The following YTHDC2 variants were observed in gnomAD, a reference collection of about 807,000 sequenced individuals.
YTHDC2 encodes the protein YTH N6-methyladenosine RNA binding protein C2, also known as 3'-5' RNA helicase YTHDC2.
Under a neutral mutation model 174.9 loss-of-function variants are expected in YTHDC2, and 45 were observed. The observed-to-expected ratio is 0.26, with a 90% CI of 0.20 to 0.33. The LOEUF is 0.33. YTHDC2 is among the 10% of genes least tolerant of loss of function. The pLI is 1.00. For synonymous variants in YTHDC2, 657 were observed against 574.5 expected (o/e 1.14, Z -2.05); for missense variants, 1,650 against 1,723.7 (o/e 0.96, Z 0.76).
At chr5:113,535,181 G>T (rs957857830) in intron 6 of YTHDC2, among the ~76,000 whole-genome samples, 1 of 152,132 alleles carries the variant, frequency 6.6e-6, no homozygotes, top group African/African-American at 2.4e-5. Flanking sequence ...AACATTTAAA[G>T]AAATATTGTG....
intron 23 of YTHDC2, among the ~76,000 whole-genome samples, chr5:113,577,542 A>G (rs1397683143): frequency 6.6e-6 from 1 of 151,762 alleles, no homozygotes; most frequent in Non-Finnish European, 1.5e-5. Context: ...GCTAATGTTC[A>G]TATTTTTTGT....
intron 2 of YTHDC2, among the ~76,000 whole-genome samples, chr5:113,519,424 G>A (rs1180708649): frequency 6.6e-6 from 1 of 152,044 alleles, no homozygotes; most frequent in East Asian, 1.9e-4. Flanking sequence ...TGTTTATAAT[G>A]AAAACAAAAT....
At chr5:113,531,481 A>G (rs781369447) in intron 4 of YTHDC2, among the ~76,000 whole-genome samples, 1 of 152,124 alleles carries the variant, frequency 6.6e-6, no homozygotes, top group Non-Finnish European at 1.5e-5. Context: ...CCTAAGACCA[A>G]TTAAAGGTTG....
At chr5:113,590,910 A>G (rs1778969536) in intron 26 of YTHDC2, 131 bp from the exon 27 acceptor site, 1 of 736,658 alleles carries the variant, frequency 1.4e-6, no homozygotes, top group East Asian at 2.7e-5. Flanking sequence ...CAGACATGAT[A>G]GAGCTATTTG....
chr5:113,514,154 C>T, intron 1 of YTHDC2, 72 bp downstream of exon 1: 1 of 1,531,742 alleles, frequency 6.5e-7, no homozygotes, highest in Non-Finnish European at 8.8e-7. Context: ...CAAACGGCGG[C>T]CCACCGAGTG....
Position 113,595,264 on chromosome 5 carries a change from A to G in YTHDC2, c.*1790A>G, listed in dbSNP as rs994277016. The G allele has an allele frequency of 1.3e-5, 2 of 152,104 alleles. No individual in the cohort carries two copies. The highest frequency in any genetic ancestry group is 2.9e-5 in the Non-Finnish European group (2 of 67,982). 9.4% of individuals were successfully genotyped at this position (152,104 alleles called of 1,614,324 possible). On this transcript the variant is annotated 3_prime_UTR_variant, in exon 30 of 30. Transcript: ENST00000161863. ...GAAGCGATAAACTTTAAATATACTT[A>G]TTAAAATGAAATTCTATTAAGTTTT...
chr5:113,549,796 A>G (rs754026812), intron 12 of YTHDC2, among the ~76,000 whole-genome samples: 2 of 151,954 alleles, frequency 1.3e-5, no homozygotes, highest in Non-Finnish European at 2.9e-5. Context: ...TCACTGTTCT[A>G]TTGATTTATT....
intron 2 of YTHDC2, among the ~76,000 whole-genome samples, chr5:113,522,070 A>G (rs976835928): frequency 2.0e-5 from 3 of 151,786 alleles, no homozygotes; most frequent in African/African-American, 7.2e-5. Flanking sequence ...CCTAATGGAA[A>G]TATAAATTAA....
intron 14 of YTHDC2, 34 bp from the exon 15 acceptor site, chr5:113,553,733 C>T: frequency 6.2e-7 from 1 of 1,612,428 alleles, no homozygotes; most frequent in Non-Finnish European, 8.5e-7. Flanking sequence ...ACGGACAGGT[C>T]TTATAGTATG....
Position 113,563,423 on chromosome 5 carries a change from T to C in YTHDC2, c.2373T>C (p.Ala791=), listed in dbSNP as rs1294846967. The change falls in exon 19 of 30, where the codon GCT becomes GCC. Residue 791 remains alanine (A), a synonymous_variant. Transcript: ENST00000161863. ...KLLAPVNCPI[A]DFLMKAPEPP... is the part of the protein sequence containing the mutation. ...TAGCCCCAGTTAATTGTCCCATTGC[T>C]GATTTTCTTATGAAAGCTCCTGAAC... 4 of 1,611,762 alleles carry C rather than the reference T, an allele frequency of 2.5e-6. No homozygotes were observed. The East Asian group carries it at 6.7e-5, about 27-fold the overall frequency.
Position 113,542,455 on chromosome 5 carries a change from G to C in YTHDC2, c.1447G>C (p.Asp483His), listed in dbSNP as rs758582529. 6.2e-7 allele frequency: 1 copy of C among 1,612,432 alleles called. No homozygotes were observed. Among genetic ancestry groups the C allele is most frequent in the Non-Finnish European group, 8.5e-7 (1 of 1,179,510 alleles). ...TGATATATGGCTACATAAAGATATT[G>C]ATGCCTTTGCTCAGGTCTTTCATCT... ...LSDIWLHKDI[D>H]AFAQVFHLIL... is the part of the protein sequence containing the mutation. The change falls in exon 10 of 30, where the codon GAT becomes CAT. Residue 483 changes from aspartate to histidine, a missense_variant. By Grantham distance (81) the Asp-to-His change is moderately conservative (BLOSUM62 -1). Around this residue, in one of 5 missense-constraint regions of YTHDC2, gnomAD observed 411 missense variants for 380.6 expected, o/e 1.08. Transcript: ENST00000161863.
At position 113,563,867 on chromosome 5, in the gene YTHDC2, T is replaced by A. The variant is rs768843221; in HGVS notation, c.2451T>A (p.Asp817Glu). The A allele has an allele frequency of 6.2e-7, 1 of 1,614,180 alleles. No homozygotes were observed. Among genetic ancestry groups the A allele is most frequent in the Non-Finnish European group, 8.5e-7 (1 of 1,180,026 alleles). The change falls in exon 20 of 30, where the codon GAT (aspartate) becomes GAA (glutamate). Residue 817 changes from aspartate to glutamate, a missense_variant. Physicochemically the swap from Asp to Glu is conservative, Grantham distance 45. Coordinates refer to ENST00000161863, the MANE Select transcript of YTHDC2 (RefSeq NM_022828.5). ...RNAVQMLKTI[D>E]AMDTWEDLTE... The stretch of plus-strand genomic sequence containing the variant: ...TGTCTCCTTTTACTTAGACAATAGA[T>A]GCAATGGATACATGGGAAGATCTGA...
intron 14 of YTHDC2, 36 bp downstream of exon 14, chr5:113,553,722 A>G (rs1296564436): frequency 1.2e-6 from 2 of 1,612,998 alleles, no homozygotes; most frequent in Admixed American, 1.7e-5. Flanking sequence ...TGCTTAAAAT[A>G]ACGGACAGGT....
At position 113,579,154 on chromosome 5, in the gene YTHDC2, T is replaced by A. The variant is rs138950799; in HGVS notation, c.3245-432T>A. The stretch of plus-strand genomic sequence containing the variant: ...TATTTTCTTCTACTTTTCTTTGGGT[T>A]TTATGTTATTTTTCTTAGATATATT... On this transcript the variant is annotated intron_variant, in intron 23 of 29. Transcript: ENST00000161863. 4.3e-3 allele frequency among the ~76,000 whole-genome samples: 659 copies of A among 152,134 alleles called. 1 individual carries two copies. The highest frequency in any genetic ancestry group is 6.2e-3 in the Non-Finnish European group (424 of 67,956).
At chr5:113,590,433 T>A (rs1778945348) in intron 26 of YTHDC2, among the ~76,000 whole-genome samples, 1 of 152,236 alleles carries the variant, frequency 6.6e-6, no homozygotes, top group Non-Finnish European at 1.5e-5. Context: ...GCTCTAGGAA[T>A]TGTTTGGTCT....
chr5:113,554,669 T>A (rs1171665694), intron 16 of YTHDC2, among the ~76,000 whole-genome samples: 1 of 151,902 alleles, frequency 6.6e-6, no homozygotes. Flanking sequence ...GGAGTATTTG[T>A]AACAGAGACC....
intron 4 of YTHDC2, among the ~76,000 whole-genome samples, chr5:113,530,705 A>G (rs1177558833): frequency 6.6e-6 from 1 of 152,186 alleles, no homozygotes; most frequent in South Asian, 2.1e-4. Flanking sequence ...TGTTAGATCA[A>G]TTAAGACTAC....
At chr5:113,561,340 T>G in intron 18 of YTHDC2, 155 bp downstream of exon 18, 1 of 460,366 alleles carries the variant, frequency 2.2e-6, no homozygotes, top group Non-Finnish European at 3.7e-6. Flanking sequence ...AACAAATATT[T>G]TTTCTATATA....
intron 24 of YTHDC2, chr5:113,579,934 T>G: frequency 1.0e-6 from 1 of 984,382 alleles, no homozygotes; most frequent in Non-Finnish European, 1.2e-6. Context: ...CTTAGTTTGT[T>G]GTTGCTGCTA....
Sources: gnomAD v4.1 joint callset for allele counts (sites outside exome capture counted in the v4.1 genomes callset) on GRCh38, gnomAD v4.1.1 for gene constraint, gnomAD v4.1.1 regional missense constraint, MANE v1.5 for transcripts, NCBI Gene and HGNC (gene_info 2026-07-23, HGNC 2026-07-21) for gene names.